Variants in RNF126 observed in about 807,000 individuals in gnomAD.
The protein encoded by RNF126 is ring finger protein 126.
A neutral mutation model predicts 41.9 loss-of-function variants in RNF126; 20 were observed. The ratio of observed to expected loss-of-function variants is 0.48; its 90% CI spans 0.34 to 0.69. RNF126 has a LOEUF of 0.69. RNF126 is among the 30% of genes least tolerant of loss of function. The pLI is 0.01. For missense variants in RNF126, 433 were observed against 460.6 expected, an observed-to-expected ratio of 0.94 and a Z score of 0.55; for synonymous variants, 239 against 202.9, an observed-to-expected ratio of 1.18 and a Z score of -1.51.
chr19:651,106 G>A (rs1237291344), intron 4 of RNF126, among the ~76,000 whole-genome samples: 1 of 147,456 alleles, frequency 6.8e-6, no homozygotes, highest in Non-Finnish European at 1.5e-5. Context: ...CAGGAGTAGG[G>A]CCCTGCGACG....
Position 663,049 on chromosome 19 carries a change from G to A in RNF126, c.73C>T (p.Pro25Ser). 7.3e-7 allele frequency: 1 copy of A among 1,367,988 alleles called. No individual in the cohort carries two copies. Among genetic ancestry groups the A allele is most frequent in the South Asian group, 1.6e-5 (1 of 64,186 alleles). 84.7% of individuals were successfully genotyped at this position (1,367,988 alleles called of 1,614,324 possible). A position where few individuals can be genotyped will look rare whatever the true frequency, so the allele number is the denominator to read the frequency against. ...CGCCGCCCCGGCCCGGGCCTCACCG[G>A]CAGGCGCGGGACGATCTCCACGGAG... ...CCSVEIVPRLPDYICPRCESG... is the reference protein window; with the variant it reads ...CCSVEIVPRLSDYICPRCESG... The change falls in exon 1 of 9, where the codon CCG becomes TCG. Residue 25 changes from proline (P) to serine (S), a missense_variant and splice_region_variant. By Grantham distance (74) the Pro-to-Ser change is moderately conservative. Around this residue, in one of 5 missense-constraint regions of RNF126, gnomAD observed 247 missense variants for 224.7 expected, o/e 1.10. Transcript: ENST00000292363.
At position 663,028 on chromosome 19, in the gene RNF126, G is replaced by A; in HGVS notation, c.75+19C>T. The A allele has an allele frequency of 1.5e-6, 2 of 1,318,138 alleles. No individual in the cohort carries two copies. The highest frequency in any genetic ancestry group is 2.0e-6 in the Non-Finnish European group (2 of 1,023,488). The allele number at this position is 1,318,138 out of a possible 1,614,324, so 81.7% of individuals were successfully genotyped here. A position where few individuals can be genotyped will look rare whatever the true frequency, so the allele number is the denominator to read the frequency against. ...TGCGGCGCAGACCCTGCCGCCCGCC[G>A]CCCCGGCCCGGGCCTCACCGGCAGG... is the stretch of plus-strand genomic sequence containing the variant. On this transcript the variant is annotated intron_variant, in intron 1 of 8. Coordinates refer to ENST00000292363, the MANE Select transcript of RNF126 (RefSeq NM_194460.3).
At chr19:649,459 C>T (rs915040900) in intron 6 of RNF126, 16 of 565,118 alleles carry the variant, frequency 2.8e-5, no homozygotes, top group African/African-American at 9.5e-5. Flanking sequence ...TTTGCTACAA[C>T]GTTCCGCGTG....
chr19:656,055 C>T (rs946535047), intron 1 of RNF126, among the ~76,000 whole-genome samples: 2 of 151,700 alleles, frequency 1.3e-5, no homozygotes, highest in East Asian at 1.9e-4. Context: ...CGGGGAGTGA[C>T]GGCTGGCAGG....
chr19:651,648 C>T lies in RNF126; in HGVS notation c.406G>A (p.Ala136Thr). The change falls in exon 4 of 9, where the codon GCC becomes ACC. Residue 136 changes from alanine (A) to threonine (T), a missense_variant. By Grantham distance (58) the Ala-to-Thr change is moderately conservative. Coordinates refer to ENST00000292363, the MANE Select transcript of RNF126 (RefSeq NM_194460.3). ...GGGACGCCTTCGTGCCGGCCGGTGG[C>T]CCGCCGCGTGGTGAGGCGGGCGCGG... ...QPRARLTTRR[A>T]TGRHEGVPTL... 1 of 1,502,060 alleles carries T rather than the reference C, an allele frequency of 6.7e-7. No homozygotes were observed. Among genetic ancestry groups the T allele is most frequent in the Non-Finnish European group, 8.9e-7 (1 of 1,126,772 alleles). The allele number at this position is 1,502,060 out of a possible 1,614,324, so 93.0% of individuals were successfully genotyped here. A position where few individuals can be genotyped will look rare whatever the true frequency, so the allele number is the denominator to read the frequency against.
intron 1 of RNF126, among the ~76,000 whole-genome samples, chr19:653,925 T>G (rs1255338049): frequency 6.6e-6 from 1 of 151,890 alleles, no homozygotes; most frequent in African/African-American, 2.4e-5. Context: ...CCACCGTGCA[T>G]GGGGGAGTGC....
At chr19:652,578 T>TTA in intron 2 of RNF126, 1 of 605,058 alleles carries the variant, frequency 1.7e-6, no homozygotes, top group Non-Finnish European at 2.9e-6. Flanking sequence ...GGTCACCAGA[T>TTA]TAGCCGCCGA....
intron 6 of RNF126, chr19:649,399 G>A: frequency 2.1e-6 from 1 of 478,928 alleles, no homozygotes; most frequent in Non-Finnish European, 3.7e-6. Flanking sequence ...CGGGAAGAGG[G>A]ACCGCGTGGC....
intron 4 of RNF126, 56 bp from the exon 5 acceptor site, chr19:650,352 C>G (rs2030218159): frequency 6.8e-7 from 1 of 1,476,022 alleles, no homozygotes; most frequent in African/African-American, 1.4e-5. Flanking sequence ...AGGAGAGGCG[C>G]CAGGCCTGCC....
intron 4 of RNF126, chr19:651,367 C>T (rs578157558): frequency 7.2e-5 from 28 of 386,394 alleles, no homozygotes; most frequent in South Asian, 5.1e-4. Context: ...CTCCAGAGCA[C>T]GTGGGCCTGG....
chr19:650,526 T>C, intron 4 of RNF126: 1 of 310,050 alleles, frequency 3.2e-6, no homozygotes, highest in Non-Finnish European at 5.8e-6. Context: ...TAAGCGATCC[T>C]CCCGCCTCAG....
intron 1 of RNF126, among the ~76,000 whole-genome samples, chr19:660,483 C>T (rs1466671697): frequency 6.7e-6 from 1 of 149,416 alleles, no homozygotes. Context: ...GCAGCAGTGC[C>T]GCCCCTGACT....
intron 1 of RNF126, among the ~76,000 whole-genome samples, chr19:662,628 C>G (rs914416386): frequency 1.1e-4 from 16 of 152,150 alleles, no homozygotes; most frequent in Admixed American, 9.2e-4. Context: ...CCAGGCCCAG[C>G]CCCTGCCCCG....
At chr19:661,054 A>C (rs2030780373) in intron 1 of RNF126, among the ~76,000 whole-genome samples, 1 of 152,202 alleles carries the variant, frequency 6.6e-6, no homozygotes, top group Admixed American at 6.5e-5. Flanking sequence ...CCAGCCTGTA[A>C]ATTCTGTGAG....
chr19:648,364 G>GGGGGGGGGGGGGGGGGGGGGGGGGGA lies in RNF126; in HGVS notation c.786+7_786+8insTCCCCCCCCCCCCCCCCCCCCCCCCC. ...CGGGGTGGGGGGGCGGGTGGGCGGG[G>GGGGGGGGGGGGGGGGGGGGGGGGGGA]CACTCACCTGCTCCAGCCAGGGCAC... On this transcript the variant is annotated splice_region_variant and intron_variant, in intron 8 of 8. Transcript: ENST00000292363. The GGGGGGGGGGGGGGGGGGGGGGGGGGA allele has an allele frequency of 2.0e-6, 1 of 510,498 alleles. No homozygotes were observed. Among genetic ancestry groups the GGGGGGGGGGGGGGGGGGGGGGGGGGA allele is most frequent in the Non-Finnish European group, 3.6e-6 (1 of 278,364 alleles). The allele number at this position is 510,498 out of a possible 1,614,324, so 31.6% of individuals were successfully genotyped here. A position where few individuals can be genotyped will look rare whatever the true frequency, so the allele number is the denominator to read the frequency against.
At chr19:649,404 C>T (rs2030161009) in intron 6 of RNF126, 9 of 486,428 alleles carry the variant, frequency 1.9e-5, no homozygotes, top group South Asian at 1.4e-4. Context: ...AGAGGGACCG[C>T]GTGGCCTCCT....
At chr19:655,695 G>A (rs1245031237) in intron 1 of RNF126, among the ~76,000 whole-genome samples, 1 of 152,106 alleles carries the variant, frequency 6.6e-6, no homozygotes, top group Non-Finnish European at 1.5e-5. Context: ...TTCACTCCAG[G>A]CGCAGACCCC....
At chr19:652,201 C>G in intron 3 of RNF126, 32 bp downstream of exon 3, 1 of 1,496,828 alleles carries the variant, frequency 6.7e-7, no homozygotes, top group Non-Finnish European at 8.9e-7. Flanking sequence ...AAGGCTGACA[C>G]GATCGGGAAG....
chr19:660,864 C>T (rs1199627246), intron 1 of RNF126, among the ~76,000 whole-genome samples: 1 of 152,254 alleles, frequency 6.6e-6, no homozygotes, highest in Non-Finnish European at 1.5e-5. Flanking sequence ...CACTGCCATG[C>T]TGTCTACGGG....
Sources: allele counts gnomAD v4.1 joint callset (sites outside exome capture counted in the v4.1 genomes callset), GRCh38; gene constraint gnomAD v4.1.1; regional missense constraint gnomAD v4.1.1; transcripts MANE v1.5; gene names NCBI Gene and HGNC (gene_info 2026-07-23, HGNC 2026-07-21).